SRFBP1: variants seen among roughly 807,000 people sequenced by gnomAD.
SRFBP1 encodes serum response factor-binding protein 1.
In SRFBP1, 47 loss-of-function variants were observed where a neutral mutation model predicts 45.5. The observed-to-expected ratio is 1.03, with a 90% CI of 0.82 to 1.32. The LOEUF (loss-of-function observed/expected upper bound fraction) is 1.32, where lower values mean the gene tolerates loss of function less well. SRFBP1 is among the 40% of genes most tolerant of loss of function. The probability of loss-of-function intolerance (pLI) is 0.00; values close to 1 mark genes in which losing one functional copy is unlikely to be tolerated. For missense variants in SRFBP1, 621 were observed against 484.6 expected (o/e 1.28, Z -2.64); for synonymous variants, 203 against 166.3 (o/e 1.22, Z -1.70).
chr5:122,040,745 A>G (rs545458534), intron 2 of SRFBP1, among the ~76,000 whole-genome samples: 1 of 152,304 alleles, frequency 6.6e-6, no homozygotes, highest in East Asian at 1.9e-4. Flanking sequence ...CTAAAATTGC[A>G]CAATTAATGT....
At chr5:121,970,704 C>T (rs371951260) in intron 1 of SRFBP1, among the ~76,000 whole-genome samples, 1 of 151,920 alleles carries the variant, frequency 6.6e-6, no homozygotes, top group Non-Finnish European at 1.5e-5. Flanking sequence ...GCATTTGAAA[C>T]AGTGAATAGA....
chr5:122,014,331 C>G (rs529206486), intron 4 of SRFBP1, among the ~76,000 whole-genome samples: 1 of 151,956 alleles, frequency 6.6e-6, no homozygotes, highest in Non-Finnish European at 1.5e-5. Flanking sequence ...TTTTATATAC[C>G]TACATACCCT....
Position 122,070,064 on chromosome 5 carries a change from G to A in SRFBP1, n.312-5251G>A. 6.2e-7 allele frequency: 1 copy of A among 1,608,936 alleles called. No individual in the cohort carries two copies. Among genetic ancestry groups the A allele is most frequent in the Non-Finnish European group, 8.5e-7 (1 of 1,175,570 alleles). On this transcript the variant is annotated intron_variant and non_coding_transcript_variant, in intron 2 of 2. Transcript: ENST00000504881. Reference sequence around the variant, plus strand: ...CAAATAACACTTACGGTGAAATTGTGCAGCCTGAGGCATACGCATGATGTC... The same window carrying A: ...CAAATAACACTTACGGTGAAATTGTACAGCCTGAGGCATACGCATGATGTC...
At chr5:122,030,373 G>A (rs187097743), downstream of SRFBP1, among the ~76,000 whole-genome samples, 6 of 152,266 alleles carry the variant, frequency 3.9e-5, no homozygotes, top group African/African-American at 1.4e-4. Flanking sequence ...AAAACCAACA[G>A]CCCATGATCA....
At chr5:122,010,994 C>G (rs1394205983) in intron 4 of SRFBP1, among the ~76,000 whole-genome samples, 1 of 152,096 alleles carries the variant, frequency 6.6e-6, no homozygotes, top group Admixed American at 6.6e-5. Flanking sequence ...TCTCGTGATA[C>G]AGCCAAATGG....
chr5:122,078,852 A>G (rs1424625057), downstream of SRFBP1, among the ~76,000 whole-genome samples: 2 of 152,252 alleles, frequency 1.3e-5, no homozygotes, highest in African/African-American at 2.4e-5. Flanking sequence ...TACAGTGAAT[A>G]TTTTAATAAC....
chr5:121,997,136 A>C (rs1201558027), intron 4 of SRFBP1, among the ~76,000 whole-genome samples: 27 of 143,604 alleles, frequency 1.9e-4, no homozygotes, highest in African/African-American at 6.7e-4. Context: ...GCTACCAATG[A>C]CTTTCTTCAC....
intron 4 of SRFBP1, among the ~76,000 whole-genome samples, chr5:121,994,881 G>C (rs559973020): frequency 4.3e-4 from 66 of 151,952 alleles, no homozygotes; most frequent in Non-Finnish European, 8.1e-4. Flanking sequence ...GGTCCTTAAA[G>C]GTATGTTGAA....
chr5:122,020,542 T>C lies in SRFBP1; in HGVS notation c.807T>C (p.Phe269=), dbSNP rs896216915. 3.7e-6 allele frequency: 6 copies of C among 1,614,130 alleles called. No homozygotes were observed. In the Middle Eastern group the frequency reaches 6.6e-4, roughly 178 times the overall value. The change falls in exon 6 of 8, where the codon TTT becomes TTC. Residue 269 remains phenylalanine, a synonymous_variant. Coordinates refer to ENST00000339397, the MANE Select transcript of SRFBP1 (RefSeq NM_152546.3). ...TTGATGATAGCACAGAAGAAAGGTTTTACAAGCAGTCTTCCATGTCTGAAG... is the reference window on the plus strand; with the variant it reads ...TTGATGATAGCACAGAAGAAAGGTTCTACAAGCAGTCTTCCATGTCTGAAG... ...EYFDDSTEER[F]YKQSSMSEDS...
chr5:121,977,108 A>G (rs1419477137), intron 3 of SRFBP1, among the ~76,000 whole-genome samples: 1 of 152,052 alleles, frequency 6.6e-6, no homozygotes, highest in Non-Finnish European at 1.5e-5. Context: ...GCAAAGGGAA[A>G]TCTGATTCAG....
intron 1 of SRFBP1, among the ~76,000 whole-genome samples, chr5:121,973,110 A>T: frequency 6.6e-6 from 1 of 151,946 alleles, no homozygotes; most frequent in African/African-American, 2.4e-5. Flanking sequence ...AATTTGAGGA[A>T]TTTTTTGTGC....
chr5:122,046,407 T>A (rs1753860203), intron 2 of SRFBP1, among the ~76,000 whole-genome samples: 1 of 152,196 alleles, frequency 6.6e-6, no homozygotes, highest in Non-Finnish European at 1.5e-5. Flanking sequence ...TAGTATTCCA[T>A]GGTGTATATG....
intron 2 of SRFBP1, among the ~76,000 whole-genome samples, chr5:122,071,193 A>ATG (rs35544795): frequency 0.054 from 8,101 of 149,880 alleles, 655 homozygotes; most frequent in African/African-American, 0.18. Flanking sequence ...AAACATTTAT[A>ATG]TGTGTGTGTG....
At chr5:121,964,397 T>C (rs1256225265) in intron 1 of SRFBP1, among the ~76,000 whole-genome samples, 1 of 152,058 alleles carries the variant, frequency 6.6e-6, no homozygotes, top group African/African-American at 2.4e-5. Flanking sequence ...CCTGTGTCCA[T>C]GTGTTCTCAT....
At chr5:122,059,146 CA>C (rs1307566392) in intron 2 of SRFBP1, among the ~76,000 whole-genome samples, 1 of 152,042 alleles carries the variant, frequency 6.6e-6, no homozygotes, top group African/African-American at 2.4e-5. Context: ...AGTATTCCCC[CA>C]GAGAAAATGG....
intron 1 of SRFBP1, among the ~76,000 whole-genome samples, chr5:121,963,925 A>G (rs1202531478): frequency 6.6e-6 from 1 of 152,170 alleles, no homozygotes; most frequent in Non-Finnish European, 1.5e-5. Context: ...ACCAAAGAAA[A>G]GAAATGACAA....
chr5:122,077,411 C>A (rs1754669703), downstream of SRFBP1: 1 of 1,614,010 alleles, frequency 6.2e-7, no homozygotes, highest in Non-Finnish European at 8.5e-7. This position sits in a 1 kb window ranked among gnomAD's most constrained non-coding sequence, Gnocchi z 4.9. Context: ...AGGTCTGGGC[C>A]TTTCATAAGT....
chr5:121,970,573 C>G (rs144772542), intron 1 of SRFBP1, among the ~76,000 whole-genome samples: 21 of 151,334 alleles, frequency 1.4e-4, no homozygotes, highest in African/African-American at 5.1e-4. Flanking sequence ...GTCTGTGTGC[C>G]TTTTCATTTA....
rs555944239 is a variant in SRFBP1, at chr5:122,028,325, G to C, written c.*1199G>C. 140 of 152,350 alleles carry C rather than the reference G, an allele frequency of 9.2e-4. No individual in the cohort carries two copies. The highest frequency in any genetic ancestry group is 3.4e-3 in the Middle Eastern group (1 of 294). 9.4% of individuals were successfully genotyped at this position (152,350 alleles called of 1,614,324 possible). Reference sequence around the variant, plus strand: ...GGAGCTTAAGAATTTAGATAACTCAGCCGGGCGTGGTGACTCATGCCTATA... The same window carrying C: ...GGAGCTTAAGAATTTAGATAACTCACCCGGGCGTGGTGACTCATGCCTATA... On this transcript the variant is annotated 3_prime_UTR_variant, in exon 8 of 8. Coordinates refer to ENST00000339397, the MANE Select transcript of SRFBP1 (RefSeq NM_152546.3).
Sources: allele counts gnomAD v4.1 joint callset (sites outside exome capture counted in the v4.1 genomes callset), GRCh38; gene constraint gnomAD v4.1.1; non-coding constraint Gnocchi (gnomAD v3.1); transcripts MANE v1.5; gene names NCBI Gene and HGNC (gene_info 2026-07-23, HGNC 2026-07-21).